NKAIN3: variants seen among roughly 807,000 people sequenced by gnomAD.
NKAIN3 encodes the protein sodium/potassium-transporting ATPase subunit beta-1-interacting protein 3.
NKAIN3 carries 25 observed loss-of-function variants against 30.2 expected under a neutral mutation model. The ratio of observed to expected loss-of-function variants is 0.83; its 90% CI spans 0.60 to 1.16. NKAIN3 has a LOEUF of 1.16. Among genes scored for constraint, NKAIN3 ranks in the 50% most tolerant of loss-of-function variants. The probability of loss-of-function intolerance (pLI) is 0.00; values close to 1 mark genes in which losing one functional copy is unlikely to be tolerated. For missense variants in NKAIN3, 225 were observed against 254.1 expected (o/e 0.89, Z 0.78); for synonymous variants, 91 against 89.6 (o/e 1.02, Z -0.09).
At chr8:62,923,993 CA>C (rs1822362893) in intron 5 of NKAIN3, among the ~76,000 whole-genome samples, 2 of 152,180 alleles carry the variant, frequency 1.3e-5, no homozygotes, top group African/African-American at 2.4e-5. Flanking sequence ...GAACCAGATC[CA>C]AGGTTACCAC....
At chr8:62,473,843 T>A (rs1806431717) in intron 1 of NKAIN3, 1 of 152,328 alleles carries the variant, frequency 6.6e-6, no homozygotes, top group East Asian at 1.9e-4. Flanking sequence ...CAAATAAATA[T>A]ACAAAATGCT....
intron 1 of NKAIN3, among the ~76,000 whole-genome samples, chr8:62,347,182 T>A (rs1816031341): frequency 6.6e-6 from 1 of 152,136 alleles, no homozygotes; most frequent in Non-Finnish European, 1.5e-5. Flanking sequence ...CAGAGAGTCC[T>A]TGGCTTATCT....
chr8:62,837,714 T>A (rs972125594), intron 4 of NKAIN3, among the ~76,000 whole-genome samples: 3 of 152,136 alleles, frequency 2.0e-5, no homozygotes, highest in Non-Finnish European at 2.9e-5. Context: ...CACACTTTTT[T>A]CTAAATGCAA....
chr8:62,664,011 A>T (rs1563506346), intron 3 of NKAIN3, among the ~76,000 whole-genome samples: 1 of 152,034 alleles, frequency 6.6e-6, no homozygotes, highest in Non-Finnish European at 1.5e-5. Flanking sequence ...ACTATTTTTC[A>T]TCATATATCT....
intron 1 of NKAIN3, among the ~76,000 whole-genome samples, chr8:62,560,871 C>T (rs1809553922): frequency 1.3e-5 from 2 of 151,956 alleles, no homozygotes; most frequent in South Asian, 2.1e-4. Flanking sequence ...GTTGTAGATC[C>T]TATCTACTGA....
intron 3 of NKAIN3, among the ~76,000 whole-genome samples, chr8:62,670,178 A>G (rs571423835): frequency 1.3e-5 from 2 of 152,294 alleles, no homozygotes; most frequent in African/African-American, 2.4e-5. Flanking sequence ...TTTCTTGCTC[A>G]CGGATTAAAG....
At chr8:62,600,810 T>C (rs1487608016) in intron 3 of NKAIN3, among the ~76,000 whole-genome samples, 1 of 152,102 alleles carries the variant, frequency 6.6e-6, no homozygotes, top group African/African-American at 2.4e-5. Context: ...TCTTTTTAAA[T>C]CTTTAGTTGA....
intron 1 of NKAIN3, among the ~76,000 whole-genome samples, chr8:62,312,663 C>A (rs573730392): frequency 7.0e-6 from 1 of 141,910 alleles, no homozygotes; most frequent in Non-Finnish European, 1.5e-5. Context: ...ACAAAAAATA[C>A]AAAATTAGCT....
At chr8:62,759,976 G>A (rs978373419) in intron 4 of NKAIN3, among the ~76,000 whole-genome samples, 25 of 152,290 alleles carry the variant, frequency 1.6e-4, no homozygotes, top group Middle Eastern at 3.4e-3. Context: ...GATATGAACA[G>A]ATACTTCTCA....
intron 1 of NKAIN3, among the ~76,000 whole-genome samples, chr8:62,412,659 C>T (rs1177436111): frequency 6.6e-6 from 1 of 151,862 alleles, no homozygotes; most frequent in African/African-American, 2.4e-5. Flanking sequence ...CTTTGGGAGG[C>T]AGAGGCGGGC....
intron 4 of NKAIN3, among the ~76,000 whole-genome samples, chr8:62,877,812 G>A (rs897962727): frequency 3.3e-5 from 5 of 152,034 alleles, no homozygotes; most frequent in Admixed American, 6.6e-5. Flanking sequence ...AGGCTGAGGC[G>A]GGCAGATCAC....
intron 1 of NKAIN3, among the ~76,000 whole-genome samples, chr8:62,536,482 A>G (rs566973498): frequency 1.3e-5 from 2 of 152,186 alleles, no homozygotes; most frequent in African/African-American, 4.8e-5. Context: ...ATTGAATTAC[A>G]TTTGCTCTAA....
chr8:62,371,795 G>T (rs1310494692), intron 1 of NKAIN3, among the ~76,000 whole-genome samples: 1 of 151,672 alleles, frequency 6.6e-6, no homozygotes, highest in Non-Finnish European at 1.5e-5. Flanking sequence ...ATTGTATGTT[G>T]CTGTTTCTAG....
chr8:62,842,813 G>GA (rs1463003306), intron 4 of NKAIN3, among the ~76,000 whole-genome samples: 2 of 151,742 alleles, frequency 1.3e-5, no homozygotes, highest in Non-Finnish European at 2.9e-5. Flanking sequence ...TCCACATTCA[G>GA]AAAAAAATGA....
intron 4 of NKAIN3, among the ~76,000 whole-genome samples, chr8:62,828,837 C>G (rs1488444475): frequency 1.3e-5 from 2 of 152,152 alleles, no homozygotes; most frequent in African/African-American, 4.8e-5. Flanking sequence ...GAAACTAAGA[C>G]TCCTGGCTGA....
intron 1 of NKAIN3, among the ~76,000 whole-genome samples, chr8:62,560,531 CTTTTTTTTT>C (rs869256384): frequency 1.3e-4 from 6 of 45,366 alleles, no homozygotes; most frequent in African/African-American, 1.9e-4. Flanking sequence ...TTTTTCTTTT[CTTTTTTTTT>C]TTTTTTTTTT....
chr8:62,590,088 A>T lies in NKAIN3; in HGVS notation c.273+294A>T, dbSNP rs912059786. On this transcript the variant is annotated intron_variant, in intron 3 of 6. Coordinates refer to ENST00000623646, the MANE Select transcript of NKAIN3 (RefSeq NM_001304533.3). ...ATCCTCATGTCCATTTTAAAAAGAC[A>T]TAATACCATAGTGACTGCAGGCCTA... Among the ~76,000 whole-genome samples the T allele has an allele frequency of 2.0e-5, 3 of 151,816 alleles. No individual in the cohort carries two copies. In the East Asian group the frequency reaches 5.8e-4, roughly 29 times the overall value.
intron 3 of NKAIN3, 81 bp downstream of exon 3, chr8:62,589,875 TTG>T (rs35791396): frequency 0.021 from 9,216 of 428,952 alleles, 189 homozygotes; most frequent in African/African-American, 0.095. Flanking sequence ...TATAGGTATA[TTG>T]TGTGTGTGTG....
intron 4 of NKAIN3, among the ~76,000 whole-genome samples, chr8:62,801,370 G>A (rs200380407): frequency 0.19 from 29,358 of 151,948 alleles, 3,202 homozygotes; most frequent in African/African-American, 0.29. Context: ...GGCACCCCCC[G>A]ATAGGGGCAG....
Sources: allele counts gnomAD v4.1 joint callset (sites outside exome capture counted in the v4.1 genomes callset), GRCh38; gene constraint gnomAD v4.1.1; transcripts MANE v1.5; gene names NCBI Gene and HGNC (gene_info 2026-07-23, HGNC 2026-07-21).